CTNND2: variants seen among roughly 807,000 people sequenced by gnomAD.
CTNND2 encodes the protein catenin delta-2.
Under a neutral mutation model 144.4 loss-of-function variants are expected in CTNND2, and 22 were observed. The observed-to-expected ratio is 0.15, with a 90% CI of 0.11 to 0.22. The LOEUF (loss-of-function observed/expected upper bound fraction) is 0.22. Among genes scored for constraint, CTNND2 ranks in the 10% least tolerant of loss-of-function variants. The probability of loss-of-function intolerance (pLI) is 1.00; values close to 1 mark genes in which losing one functional copy is unlikely to be tolerated. For missense variants in CTNND2, 1,353 were observed against 1,618.8 expected (o/e 0.84, Z 2.82); for synonymous variants, 751 against 695.6 (o/e 1.08, Z -1.25).
chr5:11,701,447 A>G (rs947298339), intron 2 of CTNND2, among the ~76,000 whole-genome samples: 2 of 152,250 alleles, frequency 1.3e-5, no homozygotes, highest in Non-Finnish European at 2.9e-5. Flanking sequence ...TCTTTGACCA[A>G]GTAATGATTC....
chr5:11,318,662 G>A (rs1031739742), intron 9 of CTNND2, among the ~76,000 whole-genome samples: 4 of 151,954 alleles, frequency 2.6e-5, no homozygotes, highest in Non-Finnish European at 5.9e-5. Context: ...TAGACAAATC[G>A]TCCCCTTTCC....
chr5:11,385,112 G>C lies in CTNND2; in HGVS notation c.730C>G (p.Pro244Ala). The C allele has an allele frequency of 2.9e-6, 3 of 1,026,964 alleles. No individual in the cohort carries two copies. Among genetic ancestry groups the C allele is most frequent in the Non-Finnish European group, 3.5e-6 (3 of 859,306 alleles). 63.6% of individuals were successfully genotyped at this position (1,026,964 alleles called of 1,614,324 possible). The change falls in exon 7 of 22, where the codon CCG becomes GCG. Residue 244 changes from proline to alanine, a missense_variant. Physicochemically the swap from Pro to Ala is conservative, Grantham distance 27 (BLOSUM62 -1). This residue lies in a region of CTNND2 where 708 missense variants were observed against 706.4 expected (regional missense o/e 1.00). Transcript: ENST00000304623. ...LGSAFHLPDA[P>A]PAAAAAALYY... The stretch of plus-strand genomic sequence containing the variant: ...AGCGCGGCGGCGGCGGCGGCGGGCG[G>C]CGCGTCGGGCAGGTGGAAGGCGCTG...
intron 18 of CTNND2, among the ~76,000 whole-genome samples, chr5:11,004,553 C>T (rs374088237): frequency 6.0e-4 from 92 of 152,152 alleles, no homozygotes; most frequent in African/African-American, 1.9e-3. Context: ...CACCTGAGAT[C>T]GGGAGTTTGA....
chr5:11,590,984 CCTTTA>C (rs1174763963), intron 2 of CTNND2, among the ~76,000 whole-genome samples: 1 of 152,078 alleles, frequency 6.6e-6, no homozygotes, highest in Non-Finnish European at 1.5e-5. Context: ...GCTTTATTCA[CCTTTA>C]CTTAGGTATT....
intron 2 of CTNND2, among the ~76,000 whole-genome samples, chr5:11,675,244 T>C (rs1784111906): frequency 6.6e-6 from 1 of 152,196 alleles, no homozygotes; most frequent in South Asian, 2.1e-4. Flanking sequence ...AACTAATGTA[T>C]AGCAGAACAG....
intron 1 of CTNND2, among the ~76,000 whole-genome samples, chr5:11,869,634 A>C (rs1409479574): frequency 6.6e-6 from 1 of 152,232 alleles, no homozygotes; most frequent in Non-Finnish European, 1.5e-5. Flanking sequence ...ATAATGCAAA[A>C]GTTCTGGAAA....
At chr5:11,641,050 G>T (rs1781974370) in intron 2 of CTNND2, among the ~76,000 whole-genome samples, 1 of 152,072 alleles carries the variant, frequency 6.6e-6, no homozygotes, top group African/African-American at 2.4e-5. Context: ...ACACATGGTG[G>T]GTTCCAGGTG....
intron 1 of CTNND2, among the ~76,000 whole-genome samples, chr5:11,738,496 C>T (rs1044088445): frequency 6.6e-6 from 1 of 152,198 alleles, no homozygotes; most frequent in African/African-American, 2.4e-5. Flanking sequence ...ATGCTAGAAT[C>T]TTAACTGCAT....
intron 3 of CTNND2, among the ~76,000 whole-genome samples, chr5:11,457,409 T>C (rs1765828478): frequency 6.6e-6 from 1 of 152,212 alleles, no homozygotes; most frequent in Non-Finnish European, 1.5e-5. Flanking sequence ...ATATTAATTA[T>C]TAAATTTCCA....
chr5:10,997,783 T>C (rs1395010643), intron 18 of CTNND2, among the ~76,000 whole-genome samples: 2 of 152,126 alleles, frequency 1.3e-5, no homozygotes, highest in Non-Finnish European at 2.9e-5. Context: ...TCTTTGGCTA[T>C]GAATGTGATG....
Position 11,125,661 on chromosome 5 carries a change from C to G in CTNND2, c.2160-8094G>C, listed in dbSNP as rs78851880. 5.8e-4 allele frequency among the ~76,000 whole-genome samples: 88 copies of G among 152,272 alleles called. 4 individuals are homozygous for G. The East Asian group carries it at 0.01, about 18-fold the overall frequency. On this transcript the variant is annotated intron_variant, in intron 12 of 21. Transcript: ENST00000304623. ...CACCCCACAGGAAAAGTGTCTCCCG[C>G]AAATGTGTGAGAGGAAAGAACAGAA... is the stretch of plus-strand genomic sequence containing the variant.
intron 2 of CTNND2, among the ~76,000 whole-genome samples, 168 bp downstream of exon 2, chr5:11,731,968 T>C (rs1787411821): frequency 6.6e-6 from 1 of 151,954 alleles, no homozygotes; most frequent in Non-Finnish European, 1.5e-5. Flanking sequence ...AAACATGGAG[T>C]CAAAAGGAAT....
At chr5:11,400,332 C>T (rs1393227369) in intron 5 of CTNND2, among the ~76,000 whole-genome samples, 1 of 152,158 alleles carries the variant, frequency 6.6e-6, no homozygotes, top group Non-Finnish European at 1.5e-5. Context: ...CAGTAGACAT[C>T]TGAACTGTGA....
intron 9 of CTNND2, among the ~76,000 whole-genome samples, chr5:11,303,341 C>T (rs78226274): frequency 1.2e-3 from 190 of 152,328 alleles, no homozygotes; most frequent in African/African-American, 4.1e-3. Flanking sequence ...CAGCCTAACA[C>T]GGTAGTTATG....
chr5:11,054,304 T>A (rs1314387092), intron 16 of CTNND2, among the ~76,000 whole-genome samples: 1 of 152,208 alleles, frequency 6.6e-6, no homozygotes, highest in African/African-American at 2.4e-5. Context: ...AGGTCAACAC[T>A]GCAGTTCTTT....
intron 2 of CTNND2, among the ~76,000 whole-genome samples, chr5:11,679,107 C>T (rs1581709692): frequency 6.6e-6 from 1 of 152,112 alleles, no homozygotes; most frequent in East Asian, 1.9e-4. Context: ...TGAAACGATG[C>T]CTATCCAGGA....
intron 1 of CTNND2, among the ~76,000 whole-genome samples, chr5:11,779,240 TTAA>T (rs1193374145): frequency 5.9e-5 from 9 of 152,250 alleles, no homozygotes; most frequent in African/African-American, 2.2e-4. Flanking sequence ...CCATATATTT[TTAA>T]TGTTTTCTCA....
chr5:11,165,480 A>G (rs1759222783), intron 11 of CTNND2, among the ~76,000 whole-genome samples: 1 of 152,204 alleles, frequency 6.6e-6, no homozygotes, highest in African/African-American at 2.4e-5. Context: ...ATTTTGGTTG[A>G]TGGTCACTAG....
intron 9 of CTNND2, among the ~76,000 whole-genome samples, chr5:11,246,628 T>C (rs2149921715): frequency 6.7e-6 from 1 of 150,280 alleles, no homozygotes; most frequent in South Asian, 2.1e-4. Context: ...TGGTGGTGCT[T>C]TGCTATGGCC....
Sources: gnomAD v4.1 joint callset for allele counts (sites outside exome capture counted in the v4.1 genomes callset) on GRCh38, gnomAD v4.1.1 for gene constraint, gnomAD v4.1.1 regional missense constraint, MANE v1.5 for transcripts, NCBI Gene and HGNC (gene_info 2026-07-23, HGNC 2026-07-21) for gene names.